The following DSCAML1 variants were observed in gnomAD, a reference collection of about 807,000 sequenced individuals.
DSCAML1 encodes DS cell adhesion molecule like 1.
A neutral mutation model predicts 200.5 loss-of-function variants in DSCAML1; 38 were observed. The ratio of observed to expected loss-of-function variants is 0.19; its 90% CI spans 0.15 to 0.25. The LOEUF (loss-of-function observed/expected upper bound fraction) is 0.25, where lower values mean the gene tolerates loss of function less well. Ranked by LOEUF, DSCAML1 falls within the 10% of genes least tolerant of loss-of-function variation. The pLI is 1.00. For missense variants in DSCAML1, 2,223 were observed against 2,858.8 expected (o/e 0.78, Z 5.07); for synonymous variants, 1,215 against 1,165.0 (o/e 1.04, Z -0.87).
chr11:117,671,004 G>A lies in DSCAML1; in HGVS notation c.511+105787C>T, dbSNP rs373700417. On this transcript the variant is annotated intron_variant, in intron 3 of 32. Coordinates refer to ENST00000651296, the MANE Select transcript of DSCAML1 (RefSeq NM_020693.4). ...GTGGATAACTGAGAGCTGGCTGCCC[G>A]TTGAAAGAGGTGCACATTTGGAAAC... Among the ~76,000 whole-genome samples, 15 of 152,268 alleles carry A rather than the reference G, an allele frequency of 9.9e-5. No homozygotes were observed. The East Asian group carries it at 1.4e-3, about 14-fold the overall frequency.
At chr11:117,638,229 T>C (rs1003471696) in intron 3 of DSCAML1, among the ~76,000 whole-genome samples, 1 of 152,080 alleles carries the variant, frequency 6.6e-6, no homozygotes, top group African/African-American at 2.4e-5. Context: ...GTCTCTGTTT[T>C]AGCACTGAAA....
At chr11:117,603,217 G>A (rs145685955) in intron 3 of DSCAML1, among the ~76,000 whole-genome samples, 141 of 152,306 alleles carry the variant, frequency 9.3e-4, no homozygotes, top group Non-Finnish European at 2.6e-4. Context: ...AGAATCTGCC[G>A]GTTCCTGGCC....
In DSCAML1 at chr11:117,804,561, C is replaced by T. The variant is rs1275968536; in HGVS notation, c.-250+12829G>A. Among the ~76,000 whole-genome samples the T allele has an allele frequency of 3.3e-5, 5 of 152,216 alleles. No homozygotes were observed. The East Asian group carries it at 5.8e-4, about 18-fold the overall frequency. Reference sequence around the variant, plus strand: ...CCCACACCTTCCTTTTGCCAGGCTACGTATCTTTTTTCTTTTCTGACATAA... The same window carrying T: ...CCCACACCTTCCTTTTGCCAGGCTATGTATCTTTTTTCTTTTCTGACATAA... On this transcript the variant is annotated intron_variant, in intron 1 of 2. Transcript: ENST00000525836.
intron 3 of DSCAML1, among the ~76,000 whole-genome samples, chr11:117,559,769 G>C (rs1320649992): frequency 6.6e-6 from 1 of 152,156 alleles, no homozygotes; most frequent in African/African-American, 2.4e-5. Flanking sequence ...TCCCACTGGA[G>C]AAGGAGGGGA....
intron 3 of DSCAML1, among the ~76,000 whole-genome samples, chr11:117,568,749 T>C (rs972826159): frequency 6.6e-6 from 1 of 152,174 alleles, no homozygotes; most frequent in Non-Finnish European, 1.5e-5. Context: ...GAACATTCCA[T>C]GCTCACGGGT....
At chr11:117,789,467 G>C (rs2055419848) in intron 1 of DSCAML1, among the ~76,000 whole-genome samples, 1 of 152,164 alleles carries the variant, frequency 6.6e-6, no homozygotes, top group Non-Finnish European at 1.5e-5. Context: ...ACAAGGCCTA[G>C]AGAGGTGGAG....
chr11:117,749,986 G>A (rs772916281), intron 3 of DSCAML1, among the ~76,000 whole-genome samples: 31 of 152,242 alleles, frequency 2.0e-4, no homozygotes, highest in Non-Finnish European at 3.1e-4. Flanking sequence ...AGCACTGTTC[G>A]ACATATTAGG....
chr11:117,538,081 T>A (rs1459051754), intron 3 of DSCAML1, among the ~76,000 whole-genome samples: 1 of 152,200 alleles, frequency 6.6e-6, no homozygotes, highest in East Asian at 1.9e-4. Context: ...TAGATGAGAA[T>A]CATCAAAGGA....
intron 1 of DSCAML1, among the ~76,000 whole-genome samples, chr11:117,805,049 A>G (rs1255116215): frequency 3.3e-5 from 5 of 152,150 alleles, no homozygotes; most frequent in Non-Finnish European, 5.9e-5. Flanking sequence ...ACTGTTGTCC[A>G]ATGTTTTGTT....
intron 21 of DSCAML1, among the ~76,000 whole-genome samples, chr11:117,443,300 AAG>A (rs1324182924): frequency 6.6e-6 from 1 of 152,180 alleles, no homozygotes; most frequent in African/African-American, 2.4e-5. Context: ...TTCCTCTGAA[AAG>A]TGGGGGTGCA....
intron 26 of DSCAML1, among the ~76,000 whole-genome samples, chr11:117,436,674 C>G (rs1326970661): frequency 6.6e-6 from 1 of 152,084 alleles, no homozygotes; most frequent in Non-Finnish European, 1.5e-5. Flanking sequence ...TCCAAGAGAG[C>G]AAGAAACAAA....
In DSCAML1 at chr11:117,795,676, G is replaced by A. The variant is rs77620786; in HGVS notation, c.46+1358C>T. Among the ~76,000 whole-genome samples the A allele has an allele frequency of 5.4e-3, 828 of 152,296 alleles. 7 individuals carry two copies. Among genetic ancestry groups the A allele is most frequent in the African/African-American group, 0.019 (798 of 41,544 alleles). ...GCCTAGTAAATGCCAGCAGTATCTG[G>A]GCCTTGAGTCTGGCTTTGACCCGGC... On this transcript the variant is annotated intron_variant, in intron 1 of 32. Coordinates refer to ENST00000651296, the MANE Select transcript of DSCAML1 (RefSeq NM_020693.4).
chr11:117,445,630 A>T (rs913849321), intron 20 of DSCAML1, among the ~76,000 whole-genome samples: 1 of 152,212 alleles, frequency 6.6e-6, no homozygotes, highest in Non-Finnish European at 1.5e-5. Context: ...AAACTAGGAC[A>T]TATTCTTCTC....
chr11:117,581,488 G>A (rs1225866291), intron 3 of DSCAML1, among the ~76,000 whole-genome samples: 2 of 152,020 alleles, frequency 1.3e-5, no homozygotes, highest in African/African-American at 4.8e-5. Flanking sequence ...GGCAACCACT[G>A]ATCTGTTTCC....
rs149942626 is a variant in DSCAML1 at position 117,614,120 on chromosome 11, C to T, written c.512-81598G>A. Among the ~76,000 whole-genome samples, 178 of 152,016 alleles carry T rather than the reference C, an allele frequency of 1.2e-3. 5 individuals are homozygous for T. In the East Asian group the frequency reaches 0.033, roughly 28 times the overall value. ...GCCCTGGAGAGAGATATATATGCAT[C>T]TCCCTTATCTCTCTCTCTCTGCATT... On this transcript the variant is annotated intron_variant, in intron 3 of 32. Transcript: ENST00000651296.
chr11:117,639,796 G>A (rs1035904799), intron 3 of DSCAML1, among the ~76,000 whole-genome samples: 2 of 152,102 alleles, frequency 1.3e-5, no homozygotes, highest in African/African-American at 4.8e-5. Flanking sequence ...GAGGCCCCGG[G>A]AACTCTGGTG....
At chr11:117,712,487 A>T (rs2053867213) in intron 3 of DSCAML1, among the ~76,000 whole-genome samples, 1 of 152,186 alleles carries the variant, frequency 6.6e-6, no homozygotes, top group African/African-American at 2.4e-5. Flanking sequence ...GAGAAAGGTT[A>T]GGGCTGGAAA....
At chr11:117,577,419 CCTTTCCTT>C (rs1161689549) in intron 3 of DSCAML1, among the ~76,000 whole-genome samples, 1 of 97,302 alleles carries the variant, frequency 1.0e-5, no homozygotes, top group Non-Finnish European at 2.0e-5. Context: ...CTCCTTTCCT[CCTTTCCTT>C]CCTTCCTTCT....
At chr11:117,510,756 A>G (rs1224194785) in intron 8 of DSCAML1, among the ~76,000 whole-genome samples, 1 of 152,218 alleles carries the variant, frequency 6.6e-6, no homozygotes, top group Non-Finnish European at 1.5e-5. Context: ...GATGTCACTG[A>G]ATGAATGACA....
Sources: allele counts gnomAD v4.1 joint callset (sites outside exome capture counted in the v4.1 genomes callset), GRCh38; gene constraint gnomAD v4.1.1; transcripts MANE v1.5; gene names NCBI Gene and HGNC (gene_info 2026-07-23, HGNC 2026-07-21).